The following LIMS2 variants were observed in gnomAD, a reference collection of about 807,000 sequenced individuals.
The protein encoded by LIMS2 is LIM and senescent cell antigen-like-containing domain protein 2.
A neutral mutation model predicts 45.3 loss-of-function variants in LIMS2; 30 were observed. The observed-to-expected ratio is 0.66, with a 90% confidence interval of 0.50 to 0.90. The LOEUF (loss-of-function observed/expected upper bound fraction) is 0.90. LIMS2 is among the 40% of genes least tolerant of loss of function. The pLI, the probability that LIMS2 is intolerant of heterozygous loss-of-function variation, is 0.00. For synonymous variants in LIMS2, 173 were observed against 188.0 expected, an observed-to-expected ratio of 0.92 and a Z score of 0.65; for missense variants, 485 against 468.7, an observed-to-expected ratio of 1.03 and a Z score of -0.32.
At chr2:127,676,033 G>A (rs575382795), upstream of LIMS2, among the ~76,000 whole-genome samples, 2 of 152,328 alleles carry the variant, frequency 1.3e-5, no homozygotes, top group East Asian at 1.9e-4. Context: ...TTAAGATGGA[G>A]GGGTAATATA....
chr2:127,674,649 C>A, intron 1 of LIMS2: 2 of 985,092 alleles, frequency 2.0e-6, no homozygotes, highest in Non-Finnish European at 2.4e-6. Flanking sequence ...AGCGCGGGCT[C>A]GGGGAAGTTG....
intron 1 of LIMS2, among the ~76,000 whole-genome samples, chr2:127,661,311 G>A (rs1684641689): frequency 6.6e-6 from 1 of 152,230 alleles, no homozygotes; most frequent in Admixed American, 6.5e-5. Flanking sequence ...CAAAGTGAAT[G>A]AATGGCACCC....
rs761859157 is a variant in LIMS2, at chr2:127,653,427, T to C, written c.359+997A>G. Among the ~76,000 whole-genome samples, 2 of 152,114 alleles carry C rather than the reference T, an allele frequency of 1.3e-5. No homozygotes were observed. The highest frequency in any genetic ancestry group is 2.9e-5 in the Non-Finnish European group (2 of 68,022). On this transcript the variant is annotated intron_variant, in intron 4 of 9. Transcript: ENST00000355119. The surrounding 1 kb of genome is among the most constrained non-coding windows in gnomAD (Gnocchi z 5.3). ...GTGGACACCAAGTGGAGGTGACATGTGGGCAGCTGAGGACAGCGAGAGAGA... is the reference window on the plus strand; with the variant it reads ...GTGGACACCAAGTGGAGGTGACATGCGGGCAGCTGAGGACAGCGAGAGAGA...
At chr2:127,643,212 G>A (rs1682613930) in intron 4 of LIMS2, 140 bp from the exon 5 acceptor site, 3 of 844,840 alleles carry the variant, frequency 3.6e-6, no homozygotes, top group Non-Finnish European at 5.4e-6. Context: ...GTATGGGAAA[G>A]CAGACTGCCC....
chr2:127,668,668 C>CAAAAAA (rs70985469), intron 1 of LIMS2, among the ~76,000 whole-genome samples: 297 of 17,244 alleles, frequency 0.017, 48 homozygotes, highest in East Asian at 0.026. Context: ...GACTCCGTCT[C>CAAAAAA]AAAAAAAAAA....
chr2:127,677,964 C>T (rs1685538673), upstream of LIMS2, among the ~76,000 whole-genome samples: 2 of 152,136 alleles, frequency 1.3e-5, no homozygotes, highest in African/African-American at 4.8e-5. The surrounding 1 kb of genome is among the most constrained non-coding windows in gnomAD (Gnocchi z 5.0). Context: ...TTGGGTCACA[C>T]AAGTGTATAT....
rs533536848 is a variant in LIMS2 at position 127,653,285 on chromosome 2, G to A, written c.359+1139C>T. 6.6e-6 allele frequency among the ~76,000 whole-genome samples: 1 copy of A among 152,182 alleles called. No individual in the cohort carries two copies. The highest frequency in any genetic ancestry group is 2.4e-5 in the African/African-American group (1 of 41,448). ...GTGTGGCAGGGGAAGCATGGCTGGG[G>A]CCTCTGGGGGTCGGCGCTGCCTCTC... On this transcript the variant is annotated intron_variant, in intron 4 of 9. Coordinates refer to ENST00000355119, the MANE Select transcript of LIMS2 (RefSeq NM_001161403.3). The surrounding 1 kb of genome is among the most constrained non-coding windows in gnomAD (Gnocchi z 5.3).
intron 1 of LIMS2, among the ~76,000 whole-genome samples, chr2:127,660,326 C>T (rs1021830080): frequency 5.3e-5 from 8 of 152,140 alleles, no homozygotes; most frequent in South Asian, 2.1e-4. Flanking sequence ...GTTGGGGTTC[C>T]TTTGCTTGGT....
At chr2:127,674,657 T>C (rs1479523468) in intron 1 of LIMS2, 2 of 984,174 alleles carry the variant, frequency 2.0e-6, no homozygotes, top group Admixed American at 1.2e-4. Flanking sequence ...CTCGGGGAAG[T>C]TGGGGGAGGC....
At chr2:127,652,790 G>T (rs1683941401) in intron 4 of LIMS2, among the ~76,000 whole-genome samples, 1 of 152,188 alleles carries the variant, frequency 6.6e-6, no homozygotes, top group African/African-American at 2.4e-5. Flanking sequence ...AGATTCTGAG[G>T]TTCTGCACTG....
Position 127,653,659 on chromosome 2 carries a change from C to T in LIMS2, c.359+765G>A, listed in dbSNP as rs1284055220. 6.6e-6 allele frequency among the ~76,000 whole-genome samples: 1 copy of T among 151,948 alleles called. No individual in the cohort carries two copies. The highest frequency in any genetic ancestry group is 1.5e-5 in the Non-Finnish European group (1 of 67,982). On this transcript the variant is annotated intron_variant, in intron 4 of 9. Coordinates refer to ENST00000355119, the MANE Select transcript of LIMS2 (RefSeq NM_001161403.3). This position sits in a 1 kb window ranked among gnomAD's most constrained non-coding sequence, Gnocchi z 5.3. ...CCACAGGAACTCAGGGTCCCGGGTGCCAGAAGGGGGGCGTTTCTGCACCTC... is the reference window on the plus strand; with the variant it reads ...CCACAGGAACTCAGGGTCCCGGGTGTCAGAAGGGGGGCGTTTCTGCACCTC...
In LIMS2 at chr2:127,640,983, A is replaced by G. The variant is rs773297178; in HGVS notation, c.666T>C (p.Phe222=). 1 of 1,613,524 alleles carries G rather than the reference A, an allele frequency of 6.2e-7. No homozygotes were observed. The highest frequency in any genetic ancestry group is 1.7e-5 in the Admixed American group (1 of 60,006). The change falls in exon 7 of 10, where the codon TTT becomes TTC. Residue 222 remains phenylalanine (F), a synonymous_variant. Transcript: ENST00000355119. ...ALGKQWHVEH[F]VCAKCEKPFL... The stretch of plus-strand genomic sequence containing the variant: ...ATGGCTTCTCACACTTGGCACAGAC[A>G]AAGTGCTGCAAGGACAAAGGGCGGG...
intron 4 of LIMS2, chr2:127,643,456 A>G (rs944878811): frequency 6.6e-6 from 3 of 457,910 alleles, no homozygotes; most frequent in African/African-American, 4.0e-5. Context: ...CACTGTGCCC[A>G]GCAGAGTGGC....
At position 127,664,359 on chromosome 2, in the gene LIMS2, C is replaced by A; in HGVS notation, c.12-6797G>T. ...GCTGGCGCCGCCGGTACAGCCCCGACGCGGCCAGCGCACCCAGCCGGGCCG... is the reference window on the plus strand; with the variant it reads ...GCTGGCGCCGCCGGTACAGCCCCGAAGCGGCCAGCGCACCCAGCCGGGCCG... On this transcript the variant is annotated intron_variant, in intron 1 of 9. Coordinates refer to ENST00000355119, the MANE Select transcript of LIMS2 (RefSeq NM_001161403.3). This position sits in a 1 kb window ranked among gnomAD's most constrained non-coding sequence, Gnocchi z 5.5. 8.2e-6 allele frequency: 10 copies of A among 1,218,224 alleles called. No homozygotes were observed. Among genetic ancestry groups the A allele is most frequent in the Non-Finnish European group, 1.0e-5 (10 of 979,368 alleles). 75.5% of individuals were successfully genotyped at this position (1,218,224 alleles called of 1,614,324 possible). A position where few individuals can be genotyped will look rare whatever the true frequency, so the allele number is the denominator to read the frequency against.
At chr2:127,654,966 T>G in intron 2 of LIMS2, 70 bp from the exon 3 acceptor site, 6 of 1,437,600 alleles carry the variant, frequency 4.2e-6, no homozygotes, top group Non-Finnish European at 5.8e-6. Context: ...AGGCCCTTGT[T>G]GGGTCAGGAC....
intron 1 of LIMS2, among the ~76,000 whole-genome samples, chr2:127,663,869 T>C (rs1684837524): frequency 6.6e-6 from 1 of 152,108 alleles, no homozygotes; most frequent in African/African-American, 2.4e-5. Context: ...AGCCAACTCA[T>C]TCTCTGAGAT....
rs140658249 is a variant in LIMS2, at chr2:127,651,168, C to T, written c.359+3256G>A. On this transcript the variant is annotated intron_variant, in intron 4 of 9. Transcript: ENST00000355119. ...GGTCAAGTCCCTCAAGCTCCGCAGG[C>T]CCCTCTACGCACACCTGGCCTGTGC... 28 of 1,612,612 alleles carry T rather than the reference C, an allele frequency of 1.7e-5. No homozygotes were observed. In the Admixed American group the frequency reaches 2.2e-4, roughly 12 times the overall value.
intron 4 of LIMS2, among the ~76,000 whole-genome samples, chr2:127,649,103 GAAA>G (rs1460517232): frequency 3.1e-5 from 4 of 130,306 alleles, no homozygotes; most frequent in African/African-American, 8.0e-5. Context: ...AAAAAGAAAA[GAAA>G]AAAGGAAAAT....
At chr2:127,676,829 C>A (rs746833620), upstream of LIMS2, among the ~76,000 whole-genome samples, 23 of 152,162 alleles carry the variant, frequency 1.5e-4, no homozygotes, top group Non-Finnish European at 3.1e-4. Context: ...GGGCCGTGCA[C>A]CAGAAATCCA....
Sources: gnomAD v4.1 joint callset for allele counts (sites outside exome capture counted in the v4.1 genomes callset) on GRCh38, gnomAD v4.1.1 for gene constraint, Gnocchi (gnomAD v3.1) non-coding constraint, MANE v1.5 for transcripts, NCBI Gene and HGNC (gene_info 2026-07-23, HGNC 2026-07-21) for gene names.